The following SLC24A2 variants were observed in gnomAD, a reference collection of about 807,000 sequenced individuals.
SLC24A2 encodes the protein solute carrier family 24 member 2.
SLC24A2 carries 36 observed loss-of-function variants against 62.0 expected under a neutral mutation model. That is an observed-to-expected ratio of 0.58 (90% confidence interval 0.44 to 0.77). SLC24A2 has a LOEUF of 0.77. Ranked by LOEUF, SLC24A2 falls within the 30% of genes least tolerant of loss-of-function variation. SLC24A2 has a pLI of 0.00. For missense variants in SLC24A2, 846 were observed against 817.9 expected (o/e 1.03, Z -0.42); for synonymous variants, 358 against 294.0 (o/e 1.22, Z -2.23).
chr9:19,694,026 T>C (rs7874383), intron 2 of SLC24A2, among the ~76,000 whole-genome samples: 57,152 of 151,694 alleles, frequency 0.38, 12,609 homozygotes, highest in African/African-American at 0.62. Flanking sequence ...AAATTCTCAC[T>C]GCTAAGACAA....
chr9:20,111,280 T>G, the SLC24A2 span, among the ~76,000 whole-genome samples: 138 of 152,258 alleles, frequency 9.1e-4, 2 homozygotes, highest in East Asian at 0.02. Flanking sequence ...TACAGGGTCA[T>G]GGAGGTTAGC....
At chr9:19,803,603 A>T in the SLC24A2 span, among the ~76,000 whole-genome samples, 1 of 152,202 alleles carries the variant, frequency 6.6e-6, no homozygotes, top group Non-Finnish European at 1.5e-5. Flanking sequence ...AATGCCATAA[A>T]AATATAAAAT....
intron 2 of SLC24A2, among the ~76,000 whole-genome samples, chr9:19,708,847 C>T (rs1243150483): frequency 1.3e-5 from 2 of 152,110 alleles, no homozygotes; most frequent in African/African-American, 4.8e-5. Context: ...TAGGCATGGG[C>T]AAGGACTGCA....
the SLC24A2 span, among the ~76,000 whole-genome samples, chr9:19,860,703 G>A: frequency 1.7e-3 from 264 of 152,224 alleles, no homozygotes; most frequent in Non-Finnish European, 1.8e-3. Flanking sequence ...TGGGCCAGAG[G>A]GGAGCACAGT....
At chr9:20,161,865 T>G in the SLC24A2 span, among the ~76,000 whole-genome samples, 176 of 150,910 alleles carry the variant, frequency 1.2e-3, no homozygotes, top group African/African-American at 4.0e-3. Flanking sequence ...CCAATAGGAG[T>G]TGGGAAAAAG....
At chr9:20,005,525 A>C in the SLC24A2 span, among the ~76,000 whole-genome samples, 1 of 152,076 alleles carries the variant, frequency 6.6e-6, no homozygotes, top group Admixed American at 6.5e-5. Flanking sequence ...TCACAAAGTT[A>C]CTACATTGCT....
the SLC24A2 span, among the ~76,000 whole-genome samples, chr9:20,022,268 A>G: frequency 4.9e-3 from 753 of 152,352 alleles, 10 homozygotes; most frequent in African/African-American, 0.017. Context: ...CAGGTAATTT[A>G]TGAATGATAA....
chr9:19,791,293 T>C (rs1245686215), upstream of SLC24A2, among the ~76,000 whole-genome samples: 1 of 152,004 alleles, frequency 6.6e-6, no homozygotes, highest in South Asian at 2.1e-4. Flanking sequence ...GCCTCCTTGC[T>C]AGGCTTTGTC....
intron 2 of SLC24A2, among the ~76,000 whole-genome samples, chr9:19,667,916 A>G (rs1349914652): frequency 6.6e-6 from 1 of 152,158 alleles, no homozygotes; most frequent in African/African-American, 2.4e-5. Context: ...CTCTAGCAAG[A>G]CTTCTGGGAC....
the SLC24A2 span, among the ~76,000 whole-genome samples, chr9:20,127,876 A>T: frequency 1.3e-5 from 2 of 152,142 alleles, no homozygotes; most frequent in East Asian, 3.9e-4. Flanking sequence ...CGGTCACTCT[A>T]TTAACACCCA....
At chr9:20,109,604 C>T in the SLC24A2 span, among the ~76,000 whole-genome samples, 4 of 152,200 alleles carry the variant, frequency 2.6e-5, no homozygotes, top group East Asian at 7.7e-4. Flanking sequence ...CAACTTGTTT[C>T]TGGAGGAATT....
At chr9:19,896,938 GA>G in the SLC24A2 span, among the ~76,000 whole-genome samples, 1 of 152,180 alleles carries the variant, frequency 6.6e-6, no homozygotes, top group Middle Eastern at 3.2e-3. Context: ...TAAGAGTTGG[GA>G]AAAATCTAAT....
At chr9:20,022,009 C>A in the SLC24A2 span, among the ~76,000 whole-genome samples, 1 of 152,138 alleles carries the variant, frequency 6.6e-6, no homozygotes, top group Admixed American at 6.5e-5. Flanking sequence ...TCTTCCAATG[C>A]CTCCCCTAAA....
At chr9:20,293,567 C>T in the SLC24A2 span, among the ~76,000 whole-genome samples, 1 of 152,174 alleles carries the variant, frequency 6.6e-6, no homozygotes, top group East Asian at 1.9e-4. Flanking sequence ...CTGTTATTAC[C>T]ACCCTCACTC....
At chr9:19,951,061 C>T in the SLC24A2 span, among the ~76,000 whole-genome samples, 2 of 152,160 alleles carry the variant, frequency 1.3e-5, no homozygotes, top group Non-Finnish European at 1.5e-5. Context: ...TGCTGAAGAG[C>T]AGGTAAGGGG....
the SLC24A2 span, among the ~76,000 whole-genome samples, chr9:19,923,231 A>T: frequency 6.6e-6 from 1 of 152,104 alleles, no homozygotes; most frequent in African/African-American, 2.4e-5. Context: ...ATGTCCAAGG[A>T]CACCCAAGGA....
At chr9:19,635,301 T>G (rs1818283693) in intron 2 of SLC24A2, among the ~76,000 whole-genome samples, 2 of 152,206 alleles carry the variant, frequency 1.3e-5, no homozygotes, top group African/African-American at 4.8e-5. Context: ...TCAAAAAGCT[T>G]TTTTTCCTAA....
chr9:20,251,958 G>C, the SLC24A2 span, among the ~76,000 whole-genome samples: 2 of 152,184 alleles, frequency 1.3e-5, no homozygotes, highest in Non-Finnish European at 2.9e-5. Flanking sequence ...ATCTTTCCCA[G>C]AAGCTTAAGC....
the SLC24A2 span, among the ~76,000 whole-genome samples, chr9:20,061,641 C>T: frequency 6.6e-6 from 1 of 152,140 alleles, no homozygotes; most frequent in Non-Finnish European, 1.5e-5. Context: ...AAAGGATAGT[C>T]TTTTCAATAG....
Sources: gnomAD v4.1 joint callset for allele counts (sites outside exome capture counted in the v4.1 genomes callset) on GRCh38, gnomAD v4.1.1 for gene constraint, MANE v1.5 for transcripts, NCBI Gene and HGNC (gene_info 2026-07-23, HGNC 2026-07-21) for gene names.